The following COL28A1 variants were observed in gnomAD, a reference collection of about 807,000 sequenced individuals.
COL28A1 encodes collagen alpha-1(XXVIII) chain.
Under a neutral mutation model 150.2 loss-of-function variants are expected in COL28A1, and 161 were observed. That is an observed-to-expected ratio of 1.07 (90% CI 0.94 to 1.22). The LOEUF is 1.22. Among genes scored for constraint, COL28A1 ranks in the 50% most tolerant of loss-of-function variants. COL28A1 has a pLI of 0.00. For synonymous variants in COL28A1, 552 were observed against 469.7 expected, an observed-to-expected ratio of 1.18 and a Z score of -2.26; for missense variants, 1,617 against 1,388.3, an observed-to-expected ratio of 1.16 and a Z score of -2.62.
At chr7:7,416,767 C>T (rs1256969261) in intron 27 of COL28A1, among the ~76,000 whole-genome samples, 1 of 152,192 alleles carries the variant, frequency 6.6e-6, no homozygotes, top group African/African-American at 2.4e-5. Context: ...AGATTTAACA[C>T]ACATTCTATG....
rs115295026 is a variant in COL28A1 at position 7,432,509 on chromosome 7, C to G, written c.1962G>C (p.Pro654=). 3.2e-4 allele frequency: 510 copies of G among 1,614,104 alleles called. 1 individual carries two copies. In the African/African-American group the frequency reaches 4.8e-3, roughly 15 times the overall value. Residue 654 remains proline, a synonymous_variant, in exon 25 of 35, where the codon CCG becomes CCC. Coordinates refer to ENST00000399429, the MANE Select transcript of COL28A1 (RefSeq NM_001037763.3). ...GPRGLPGPPG[P]MGLRGVGDTG... is the part of the protein sequence containing the mutation. The stretch of plus-strand genomic sequence containing the variant: ...TGTCTCCCACTCCACGTAAACCCAT[C>G]GGCCCAGGGGGTCCTGGTAATCCAC...
At chr7:7,485,450 AC>A (rs1326476150) in intron 13 of COL28A1, among the ~76,000 whole-genome samples, 1 of 152,182 alleles carries the variant, frequency 6.6e-6, no homozygotes, top group African/African-American at 2.4e-5. Flanking sequence ...TTCACAGAGC[AC>A]ACATTTACCA....
chr7:7,542,829 G>A, the COL28A1 span, among the ~76,000 whole-genome samples: 4 of 152,130 alleles, frequency 2.6e-5, no homozygotes, highest in South Asian at 2.1e-4. Context: ...ACCAATGAGA[G>A]ATAAGGCTCT....
chr7:7,514,467 G>A (rs1481609527), intron 8 of COL28A1, among the ~76,000 whole-genome samples: 2 of 152,100 alleles, frequency 1.3e-5, no homozygotes, highest in African/African-American at 2.4e-5. Context: ...GTAGAATCAT[G>A]GGATTCCTTA....
intron 31 of COL28A1, among the ~76,000 whole-genome samples, chr7:7,374,024 T>TAAAAAAA (rs1188442971): frequency 8.6e-5 from 10 of 116,328 alleles, no homozygotes; most frequent in African/African-American, 4.3e-4. Flanking sequence ...ACTTGACTCT[T>TAAAAAAA]AAAAAAAAAA....
chr7:7,441,523 C>CGAA (rs1554273434), intron 20 of COL28A1, among the ~76,000 whole-genome samples: 1 of 87,888 alleles, frequency 1.1e-5, no homozygotes, highest in Non-Finnish European at 2.4e-5. Flanking sequence ...GCTCAACAAA[C>CGAA]GAAAAAAAAA....
intron 6 of COL28A1, 106 bp from the exon 7 acceptor site, chr7:7,517,943 C>T: frequency 8.6e-7 from 1 of 1,158,112 alleles, no homozygotes; most frequent in Non-Finnish European, 1.2e-6. Context: ...AATTAGGAAA[C>T]ATCTTTAGTC....
chr7:7,475,112 T>G (rs1485471909), intron 14 of COL28A1, among the ~76,000 whole-genome samples: 1 of 152,198 alleles, frequency 6.6e-6, no homozygotes, highest in African/African-American at 2.4e-5. Flanking sequence ...TATTACCTTT[T>G]TTTTTGTTTA....
chr7:7,406,642 C>T (rs991155431), intron 27 of COL28A1, among the ~76,000 whole-genome samples: 3 of 151,974 alleles, frequency 2.0e-5, no homozygotes, highest in Non-Finnish European at 4.4e-5. Context: ...GACATAATAT[C>T]GGAGCTAATA....
At chr7:7,492,518 G>A (rs1779972266) in intron 11 of COL28A1, among the ~76,000 whole-genome samples, 1 of 146,880 alleles carries the variant, frequency 6.8e-6, no homozygotes, top group South Asian at 2.3e-4. Context: ...CTGGGAGGTA[G>A]AGGTTGCAGT....
chr7:7,419,955 T>C lies in COL28A1; in HGVS notation c.1999-2A>G. 1 of 1,579,830 alleles carries C rather than the reference T, an allele frequency of 6.3e-7. No homozygotes were observed. The highest frequency in any genetic ancestry group is 8.6e-7 in the Non-Finnish European group (1 of 1,166,234). On this transcript the variant is annotated splice_acceptor_variant, in intron 25 of 34. Coordinates refer to ENST00000399429, the MANE Select transcript of COL28A1 (RefSeq NM_001037763.3). LOFTEE classifies it high-confidence loss of function. ...AGGGCCTCTGACCCCAGGCTCTCCCTGAAAAGACACAACAAATAACAAGTT... is the reference window on the plus strand; with the variant it reads ...AGGGCCTCTGACCCCAGGCTCTCCCCGAAAAGACACAACAAATAACAAGTT...
intron 25 of COL28A1, among the ~76,000 whole-genome samples, chr7:7,420,897 C>T (rs1784360986): frequency 6.6e-6 from 1 of 152,208 alleles, no homozygotes; most frequent in African/African-American, 2.4e-5. Context: ...CAGGAACCCT[C>T]ATAATTGCTG....
intron 14 of COL28A1, among the ~76,000 whole-genome samples, chr7:7,476,272 T>C (rs1393657444): frequency 6.6e-6 from 1 of 152,246 alleles, no homozygotes; most frequent in Non-Finnish European, 1.5e-5. Context: ...TTACGTACTC[T>C]GAAATGTTGT....
In COL28A1 at chr7:7,452,303, G is replaced by A; in HGVS notation, c.1509+16C>T. 2 of 1,598,672 alleles carry A rather than the reference G, an allele frequency of 1.3e-6. No homozygotes were observed. The highest frequency in any genetic ancestry group is 8.5e-7 in the Non-Finnish European group (1 of 1,176,390). ...ACATAAAGTATCATATCACTTCTGA[G>A]CAGCAGTCAACTCACCTTTGGACCT... On this transcript the variant is annotated intron_variant, in intron 18 of 34. Transcript: ENST00000399429.
At chr7:7,374,038 A>AAAAAAAAAAATATATATATATAT in intron 31 of COL28A1, among the ~76,000 whole-genome samples, 1 of 113,658 alleles carries the variant, frequency 8.8e-6, no homozygotes, top group African/African-American at 3.8e-5. Context: ...AAAAAAAAAA[A>AAAAAAAAAAATATATATATATAT]ATATATATAT....
chr7:7,417,725 C>T, intron 27 of COL28A1, 134 bp downstream of exon 27: 1 of 733,442 alleles, frequency 1.4e-6, no homozygotes, highest in Non-Finnish European at 2.4e-6. Context: ...TGTCTCTAAA[C>T]ACTGGATGCC....
At chr7:7,533,644 C>G (rs1782489333) in intron 1 of COL28A1, among the ~76,000 whole-genome samples, 1 of 152,102 alleles carries the variant, frequency 6.6e-6, no homozygotes, top group South Asian at 2.1e-4. Context: ...AGCCAAGAAG[C>G]ACCCCCTCTG....
rs541360279 is a variant in COL28A1, at chr7:7,441,876, G to C, written c.1651-1015C>G. 4.6e-5 allele frequency among the ~76,000 whole-genome samples: 7 copies of C among 152,232 alleles called. No individual in the cohort carries two copies. In the East Asian group the frequency reaches 1.2e-3, roughly 25 times the overall value. On this transcript the variant is annotated intron_variant, in intron 20 of 34. Coordinates refer to ENST00000399429, the MANE Select transcript of COL28A1 (RefSeq NM_001037763.3). ...TTTCCATGGTCCACACTAATGTAAAGCAGTGGCACCGGTGTAAAAAAAAAG... is the reference window on the plus strand; with the variant it reads ...TTTCCATGGTCCACACTAATGTAAACCAGTGGCACCGGTGTAAAAAAAAAG...
intron 27 of COL28A1, among the ~76,000 whole-genome samples, chr7:7,411,011 G>C (rs746563439): frequency 6.6e-6 from 1 of 152,148 alleles, no homozygotes; most frequent in Non-Finnish European, 1.5e-5. Context: ...ATCTAGTCAA[G>C]TGGATTCTGG....
Sources: allele counts gnomAD v4.1 joint callset (sites outside exome capture counted in the v4.1 genomes callset), GRCh38; gene constraint gnomAD v4.1.1; transcripts MANE v1.5; gene names NCBI Gene and HGNC (gene_info 2026-07-23, HGNC 2026-07-21).